Variants in NSDHL observed in about 807,000 individuals in gnomAD.
The protein encoded by NSDHL is sterol-4-alpha-carboxylate 3-dehydrogenase, decarboxylating.
NSDHL carries 1 observed loss-of-function variant against 23.0 expected under a neutral mutation model. The observed-to-expected ratio is 0.04, with a 90% CI of 0.02 to 0.21. The LOEUF is 0.21. NSDHL is among the 10% of genes least tolerant of loss of function. The probability of loss-of-function intolerance (pLI) is 1.00; values close to 1 mark genes in which losing one functional copy is unlikely to be tolerated. For synonymous variants in NSDHL, 128 were observed against 121.1 expected (o/e 1.06, Z -0.37); for missense variants, 237 against 300.9 (o/e 0.79, Z 1.57).
Position 152,869,417 on chromosome X carries a change from TTTCATTCCA to T in NSDHL, c.*302_*310del. Reference sequence around the variant, plus strand: ...CTTGCCCCCTCTTCTGGTTTATACATTTCATTCCAGTGTCCTTGTACATAATCAAGGAAG... The same window carrying T: ...CTTGCCCCCTCTTCTGGTTTATACATGTGTCCTTGTACATAATCAAGGAAG... On this transcript the variant is annotated 3_prime_UTR_variant, in exon 8 of 8. Transcript: ENST00000370274. 2.9e-6 allele frequency: 1 copy of T among 346,623 alleles called. No individual in the cohort carries two copies. 28.6% of individuals were successfully genotyped at this position (346,623 alleles called of 1,213,427 possible). A position where few individuals can be genotyped will look rare whatever the true frequency, so the allele number is the denominator to read the frequency against.
chrX:152,866,135 G>A (rs1490326521), intron 6 of NSDHL, among the ~76,000 whole-genome samples, 174 bp downstream of exon 6: 3 of 112,621 alleles, frequency 2.7e-5, no homozygotes, highest in African/African-American at 9.7e-5. Context: ...CAGAGAGCTT[G>A]GAGGCTGGGA....
At position 152,869,055 on chromosome X, in the gene NSDHL, C is replaced by G; in HGVS notation, c.1061C>G (p.Thr354Ser). ...KKAMGYQPLV[T>S]MDDAMERTVQ... The stretch of plus-strand genomic sequence containing the variant: ...GCCATGGGCTACCAGCCACTAGTGA[C>G]CATGGATGATGCTATGGAGAGGACC... Residue 354 changes from threonine (T) to serine (S), a missense_variant, in exon 8 of 8, where the codon ACC becomes AGC. By Grantham distance (58) the Thr-to-Ser change is moderately conservative. Transcript: ENST00000370274. 1 of 1,212,139 alleles carries G rather than the reference C, an allele frequency of 8.2e-7. No homozygotes were observed. Among genetic ancestry groups the G allele is most frequent in the Non-Finnish European group, 1.1e-6 (1 of 895,493 alleles).
chrX:152,845,012 A>G (rs1411037184), intron 1 of NSDHL, among the ~76,000 whole-genome samples: 3 of 112,346 alleles, frequency 2.7e-5, no homozygotes, highest in South Asian at 3.7e-4. Context: ...CAGGGCAGGC[A>G]CAGAGCTACA....
chrX:152,846,451 C>T lies in NSDHL; in HGVS notation c.108+19C>T, dbSNP rs782606496. 1.8e-5 allele frequency: 18 copies of T among 1,020,006 alleles called. No homozygotes were observed. The Admixed American group carries it at 2.0e-4, about 11-fold the overall frequency. The allele number at this position is 1,020,006 out of a possible 1,213,427, so 84.1% of individuals were successfully genotyped here. A position where few individuals can be genotyped will look rare whatever the true frequency, so the allele number is the denominator to read the frequency against. ...GAATCAGGTAAGGAGAAAGTTGACA[C>T]GTACATACCAACAGGCTGATACTAT... On this transcript the variant is annotated intron_variant, in intron 2 of 7. Coordinates refer to ENST00000370274, the MANE Select transcript of NSDHL (RefSeq NM_015922.3).
In NSDHL at chrX:152,846,103, G is replaced by T. The variant is rs781873843; in HGVS notation, c.-43-179G>T. 5.3e-5 allele frequency among the ~76,000 whole-genome samples: 6 copies of T among 113,188 alleles called. No individual in the cohort carries two copies. In the South Asian group the frequency reaches 2.1e-3, roughly 40 times the overall value. On this transcript the variant is annotated intron_variant, in intron 1 of 7. Coordinates refer to ENST00000370274, the MANE Select transcript of NSDHL (RefSeq NM_015922.3). Reference sequence around the variant, plus strand: ...TCGTTGGCCCCGTTAGCCGGGCATGGTGGCAGACACCTGTAATCCCAGCTA... The same window carrying T: ...TCGTTGGCCCCGTTAGCCGGGCATGTTGGCAGACACCTGTAATCCCAGCTA...
At chrX:152,865,725 C>A (rs1365356408) in intron 5 of NSDHL, 94 bp from the exon 6 acceptor site, 21 of 1,060,322 alleles carry the variant, frequency 2.0e-5, no homozygotes, top group Non-Finnish European at 2.5e-5. Context: ...TCTGTCTGTC[C>A]CCCACGAGTG....
At position 152,868,829 on chromosome X, in the gene NSDHL, C is replaced by G. The variant is rs1556848449; in HGVS notation, c.835C>G (p.Leu279Val). The change falls in exon 8 of 8, where the codon CTG becomes GTG. Residue 279 changes from leucine to valine, a missense_variant. By Grantham distance (32) the Leu-to-Val change is conservative (BLOSUM62 1). Coordinates refer to ENST00000370274, the MANE Select transcript of NSDHL (RefSeq NM_015922.3). ...NDEPIPFWTFLSRILTGLNYE... is the reference protein window; with the variant it reads ...NDEPIPFWTFVSRILTGLNYE... ...TGAGCCCATCCCTTTCTGGACATTC[C>G]TGTCTCGCATCCTGACAGGCCTCAA... 1 of 1,211,640 alleles carries G rather than the reference C, an allele frequency of 8.3e-7. No homozygotes were observed. Among genetic ancestry groups the G allele is most frequent in the Admixed American group, 2.2e-5 (1 of 46,102 alleles).
rs782114808 is a variant in NSDHL, at chrX:152,839,706, A to T, written c.-43-6576A>T. Among the ~76,000 whole-genome samples, 14 of 112,317 alleles carry T rather than the reference A, an allele frequency of 1.2e-4. No individual in the cohort carries two copies. In the East Asian group the frequency reaches 2.8e-3, roughly 22 times the overall value. ...TGGGCTTCCCTTTGTCGGTAACCCGACCTTTCTCTCTGGCTGCCCTTTACA... is the reference window on the plus strand; with the variant it reads ...TGGGCTTCCCTTTGTCGGTAACCCGTCCTTTCTCTCTGGCTGCCCTTTACA... On this transcript the variant is annotated intron_variant, in intron 1 of 7. Transcript: ENST00000370274.
intron 1 of NSDHL, among the ~76,000 whole-genome samples, chrX:152,834,169 C>T (rs1232288185): frequency 3.6e-5 from 4 of 111,901 alleles, no homozygotes; most frequent in African/African-American, 9.8e-5. Flanking sequence ...GCTGTGGAAG[C>T]GACTCACCTT....
At chrX:152,844,293 C>G (rs146985204) in intron 1 of NSDHL, among the ~76,000 whole-genome samples, 146 of 112,394 alleles carry the variant, frequency 1.3e-3, no homozygotes, top group East Asian at 2.2e-3. Flanking sequence ...GGGATTTGAA[C>G]CCAGGCAGCC....
chrX:152,850,321 G>A lies in NSDHL; in HGVS notation c.165G>A (p.Glu55=), dbSNP rs1933336453. ...GSGFLGQHMV[E]QLLARGYAVN... ...GATTCCTGGGGCAGCACATGGTGGA[G>A]CAGTTGCTGGCAAGAGGATATGCTG... Residue 55 remains glutamate (E), a synonymous_variant, in exon 3 of 8, where the codon GAG becomes GAA. Coordinates refer to ENST00000370274, the MANE Select transcript of NSDHL (RefSeq NM_015922.3). 1.6e-5 allele frequency: 19 copies of A among 1,208,053 alleles called. No homozygotes were observed. The highest frequency in any genetic ancestry group is 2.1e-5 in the Non-Finnish European group (19 of 892,244).
intron 1 of NSDHL, among the ~76,000 whole-genome samples, chrX:152,837,203 G>C (rs1267856245): frequency 8.9e-6 from 1 of 111,974 alleles, no homozygotes; most frequent in African/African-American, 3.2e-5. Flanking sequence ...GGGCTGAAAC[G>C]ATAGGGTTTT....
At chrX:152,866,298 A>G (rs1933606834) in intron 6 of NSDHL, among the ~76,000 whole-genome samples, 1 of 112,038 alleles carries the variant, frequency 8.9e-6, no homozygotes, top group African/African-American at 3.2e-5. Flanking sequence ...CCGAGGGCAG[A>G]GCCCCCATGA....
chrX:152,848,394 A>G (rs782168039), intron 2 of NSDHL, among the ~76,000 whole-genome samples: 6 of 112,436 alleles, frequency 5.3e-5, no homozygotes, highest in Admixed American at 9.4e-5. Context: ...TCCCTGGGGT[A>G]AAGGCCAGTT....
At chrX:152,834,252 C>G (rs1329441904) in intron 1 of NSDHL, among the ~76,000 whole-genome samples, 1 of 112,542 alleles carries the variant, frequency 8.9e-6, no homozygotes, top group African/African-American at 3.2e-5. Context: ...AGGCACTCAC[C>G]GTGGAGAGGA....
rs782631270 is a variant in NSDHL, at chrX:152,865,830, C to T, written c.555C>T (p.Gly185=). The change falls in exon 6 of 8, where the codon GGC becomes GGT. Residue 185 remains glycine (G), a synonymous_variant. Transcript: ENST00000370274. ...CCACTCTCCTCCAGGCAGTTCTGGG[C>T]GCCAACGATCCTGAGAAGAATTTCT... is the stretch of plus-strand genomic sequence containing the variant. ...TKILQERAVL[G]ANDPEKNFLT... 1.5e-5 allele frequency: 18 copies of T among 1,211,377 alleles called. No homozygotes were observed. The highest frequency in any genetic ancestry group is 3.5e-5 in the African/African-American group (2 of 57,597).
At chrX:152,841,560 G>A (rs1933193098) in intron 1 of NSDHL, among the ~76,000 whole-genome samples, 1 of 112,326 alleles carries the variant, frequency 8.9e-6, no homozygotes, top group Non-Finnish European at 1.9e-5. Flanking sequence ...GATTTCACCA[G>A]TACAACATAT....
chrX:152,856,254 G>A (rs1459262569), intron 3 of NSDHL, among the ~76,000 whole-genome samples: 1 of 112,300 alleles, frequency 8.9e-6, no homozygotes, highest in African/African-American at 3.2e-5. Context: ...TCAGAATTGA[G>A]AAGCACTGTA....
chrX:152,846,416 A>G lies in NSDHL; in HGVS notation c.92A>G (p.Lys31Arg). 1 of 1,193,886 alleles carries G rather than the reference A, an allele frequency of 8.4e-7. No individual in the cohort carries two copies. The highest frequency in any genetic ancestry group is 1.8e-5 in the South Asian group (1 of 56,611). ...CCCAAAGTGAATGCTGACATAGAAA[A>G]GGTTAACCAGAATCAGGTAAGGAGA... ...DTPKVNADIE[K>R]VNQNQAKRCT... Residue 31 changes from lysine (K) to arginine (R), a missense_variant, in exon 2 of 8, where the codon AAG (lysine) becomes AGG (arginine). By Grantham distance (26) the Lys-to-Arg change is conservative. This residue lies in a region of NSDHL where 81 missense variants were observed against 103.3 expected (regional missense o/e 0.78). Coordinates refer to ENST00000370274, the MANE Select transcript of NSDHL (RefSeq NM_015922.3).
Sources: gnomAD v4.1 joint callset for allele counts (sites outside exome capture counted in the v4.1 genomes callset) on GRCh38, gnomAD v4.1.1 for gene constraint, gnomAD v4.1.1 regional missense constraint, MANE v1.5 for transcripts, NCBI Gene and HGNC (gene_info 2026-07-23, HGNC 2026-07-21) for gene names.